PIK3AP1: variants seen among roughly 807,000 people sequenced by gnomAD.
PIK3AP1 encodes phosphoinositide-3-kinase adaptor protein 1.
In PIK3AP1, 21 loss-of-function variants were observed where a neutral mutation model predicts 88.1. That is an observed-to-expected ratio of 0.24 (90% CI 0.17 to 0.34). The LOEUF (loss-of-function observed/expected upper bound fraction) is 0.34. Ranked by LOEUF, PIK3AP1 falls within the 10% of genes least tolerant of loss-of-function variation. The probability of loss-of-function intolerance (pLI) is 1.00; values close to 1 mark genes in which losing one functional copy is unlikely to be tolerated. For missense variants in PIK3AP1, 828 were observed against 1,035.7 expected, an observed-to-expected ratio of 0.80 and a Z score of 2.75; for synonymous variants, 398 against 400.0, an observed-to-expected ratio of 1.00 and a Z score of 0.06.
chr10:96,620,609 C>T (rs1843066325), intron 11 of PIK3AP1, 52 bp from the exon 12 acceptor site: 1 of 1,506,200 alleles, frequency 6.6e-7, no homozygotes, highest in Non-Finnish European at 9.2e-7. Context: ...GGGGACCACT[C>T]ACCAGAAGTG....
At chr10:96,700,994 C>T in intron 2 of PIK3AP1, 1 of 626,578 alleles carries the variant, frequency 1.6e-6, no homozygotes. Context: ...CTACCGCGGG[C>T]TCCTGTGACC....
At chr10:96,683,056 C>T (rs903124032) in intron 2 of PIK3AP1, among the ~76,000 whole-genome samples, 7 of 152,198 alleles carry the variant, frequency 4.6e-5, no homozygotes, top group African/African-American at 1.4e-4. Flanking sequence ...AATCGAACAA[C>T]GCTTCTGTGA....
At chr10:96,682,817 T>C (rs534454264) in intron 2 of PIK3AP1, among the ~76,000 whole-genome samples, 2 of 152,362 alleles carry the variant, frequency 1.3e-5, no homozygotes, top group African/African-American at 4.8e-5. Context: ...CCATCTCTGA[T>C]GTAATCTACT....
chr10:96,650,740 G>A (rs994417333), intron 6 of PIK3AP1, among the ~76,000 whole-genome samples: 3 of 152,202 alleles, frequency 2.0e-5, no homozygotes, highest in Non-Finnish European at 4.4e-5. Context: ...ACCAAGGCAG[G>A]AAGGAAGGAC....
At chr10:96,637,742 T>A (rs998037708) in intron 8 of PIK3AP1, among the ~76,000 whole-genome samples, 6 of 152,008 alleles carry the variant, frequency 3.9e-5, no homozygotes, top group Non-Finnish European at 8.8e-5. Flanking sequence ...GTAGAAAAGA[T>A]CCACCCTCAA....
chr10:96,656,851 C>G lies in PIK3AP1; in HGVS notation c.514G>C (p.Val172Leu), dbSNP rs766807797. Residue 172 changes from valine to leucine, a missense_variant, in exon 3 of 17, where the codon GTG (valine) becomes CTG (leucine). Coordinates refer to ENST00000339364, the MANE Select transcript of PIK3AP1 (RefSeq NM_152309.3). ...SYSKQQNLPT[V>L]TSPGNLMVVQ... is the part of the protein sequence containing the mutation. ...ACCATCAGGTTCCCAGGTGAAGTCA[C>G]CGTCGGCAGGTTCTGCTGCTTCGAG... is the stretch of plus-strand genomic sequence containing the variant. The G allele has an allele frequency of 2.5e-6, 4 of 1,613,998 alleles. No homozygotes were observed. The African/African-American group carries it at 5.3e-5, about 22-fold the overall frequency.
chr10:96,636,087 C>T (rs1367904989), intron 8 of PIK3AP1, among the ~76,000 whole-genome samples: 3 of 151,760 alleles, frequency 2.0e-5, no homozygotes, highest in Non-Finnish European at 4.4e-5. Flanking sequence ...GGCGTGGTGG[C>T]GTGCACCAGT....
intron 10 of PIK3AP1, 145 bp from the exon 11 acceptor site, chr10:96,623,682 G>A: frequency 2.9e-6 from 2 of 680,848 alleles, no homozygotes; most frequent in South Asian, 1.8e-5. Context: ...AGAAGGACTA[G>A]GAATTGTCAA....
At chr10:96,666,320 G>A (rs947650555) in intron 2 of PIK3AP1, among the ~76,000 whole-genome samples, 1 of 152,124 alleles carries the variant, frequency 6.6e-6, no homozygotes, top group Non-Finnish European at 1.5e-5. Context: ...TCGGGAGGCT[G>A]AGGCAGGAGA....
At chr10:96,686,836 A>C (rs571979177) in intron 2 of PIK3AP1, among the ~76,000 whole-genome samples, 10 of 151,988 alleles carry the variant, frequency 6.6e-5, no homozygotes, top group Non-Finnish European at 1.5e-4. Context: ...AAATACATAA[A>C]ATTTCAACAT....
intron 2 of PIK3AP1, among the ~76,000 whole-genome samples, chr10:96,686,361 T>C (rs566014025): frequency 6.6e-6 from 1 of 152,304 alleles, no homozygotes; most frequent in South Asian, 2.1e-4. Context: ...ATGTGGGCCC[T>C]GCTCCTACTG....
intron 2 of PIK3AP1, among the ~76,000 whole-genome samples, chr10:96,684,524 G>A (rs757103194): frequency 6.6e-6 from 1 of 152,208 alleles, no homozygotes; most frequent in Non-Finnish European, 1.5e-5. Flanking sequence ...GTGTTCCACT[G>A]TCCAAGGCAG....
intron 8 of PIK3AP1, 147 bp from the exon 9 acceptor site, chr10:96,628,640 C>T: frequency 1.4e-6 from 1 of 694,698 alleles, no homozygotes; most frequent in Non-Finnish European, 2.5e-6. Flanking sequence ...TCCACCTACT[C>T]AAGGACACCC....
chr10:96,648,614 A>G (rs1843492468), intron 7 of PIK3AP1, 45 bp downstream of exon 7: 1 of 1,557,184 alleles, frequency 6.4e-7, no homozygotes, highest in South Asian at 1.2e-5. Context: ...CCATACTACC[A>G]CAGAGTGCAT....
chr10:96,703,799 T>G (rs1395789692), intron 2 of PIK3AP1, among the ~76,000 whole-genome samples: 1 of 152,214 alleles, frequency 6.6e-6, no homozygotes, highest in Non-Finnish European at 1.5e-5. Context: ...TGCCATCTTC[T>G]TAGAAAACTT....
chr10:96,614,682 T>C (rs576746108), intron 13 of PIK3AP1, among the ~76,000 whole-genome samples: 1 of 152,208 alleles, frequency 6.6e-6, no homozygotes, highest in South Asian at 2.1e-4. Flanking sequence ...ACTCATTAGC[T>C]ACCAGATGGT....
chr10:96,708,295 C>A (rs1198694787), intron 2 of PIK3AP1, among the ~76,000 whole-genome samples: 1 of 152,170 alleles, frequency 6.6e-6, no homozygotes, highest in Non-Finnish European at 1.5e-5. Flanking sequence ...CAAAAAGAGG[C>A]TAGGCGTGGT....
At chr10:96,706,567 C>T (rs1251295008) in intron 2 of PIK3AP1, among the ~76,000 whole-genome samples, 3 of 152,156 alleles carry the variant, frequency 2.0e-5, no homozygotes, top group East Asian at 1.9e-4. Flanking sequence ...CTAGGTGAAT[C>T]ACAGATTTTT....
intron 13 of PIK3AP1, among the ~76,000 whole-genome samples, chr10:96,615,595 C>T (rs1365878937): frequency 6.6e-6 from 1 of 152,058 alleles, no homozygotes; most frequent in African/African-American, 2.4e-5. Flanking sequence ...AGAGAAGTGC[C>T]AGATGAATGG....
Sources: gnomAD v4.1 joint callset for allele counts (sites outside exome capture counted in the v4.1 genomes callset) on GRCh38, gnomAD v4.1.1 for gene constraint, MANE v1.5 for transcripts, NCBI Gene and HGNC (gene_info 2026-07-23, HGNC 2026-07-21) for gene names.